The following ZMAT4 variants were observed in gnomAD, a reference collection of about 807,000 sequenced individuals.
The protein encoded by ZMAT4 is zinc finger matrin-type 4.
A neutral mutation model predicts 28.7 loss-of-function variants in ZMAT4; 17 were observed. That is an observed-to-expected ratio of 0.59 (90% confidence interval 0.41 to 0.89). The LOEUF is 0.89. Among genes scored for constraint, ZMAT4 ranks in the 40% least tolerant of loss-of-function variants. The probability of loss-of-function intolerance (pLI) is 0.00; values close to 1 mark genes in which losing one functional copy is unlikely to be tolerated. For synonymous variants in ZMAT4, 117 were observed against 109.2 expected, an observed-to-expected ratio of 1.07 and a Z score of -0.44; for missense variants, 240 against 283.8, an observed-to-expected ratio of 0.85 and a Z score of 1.11.
rs1585895713 is a variant in ZMAT4 at position 40,697,501 on chromosome 8, T to C, written c.193-100A>G. 12 of 1,219,082 alleles carry C rather than the reference T, an allele frequency of 9.8e-6. No individual in the cohort carries two copies. In the East Asian group the frequency reaches 3.5e-4, roughly 36 times the overall value. 75.5% of individuals were successfully genotyped at this position (1,219,082 alleles called of 1,614,324 possible). A position where few individuals can be genotyped will look rare whatever the true frequency, so the allele number is the denominator to read the frequency against. ...GAACTAGTGTATTGAAATATCTAGT[T>C]TTTGTTCTGCAAGCTGTCTCTCTCT... On this transcript the variant is annotated intron_variant, in intron 3 of 6. Coordinates refer to ENST00000297737, the MANE Select transcript of ZMAT4 (RefSeq NM_024645.3).
chr8:40,655,950 G>C (rs1185541429), intron 5 of ZMAT4, among the ~76,000 whole-genome samples: 1 of 152,002 alleles, frequency 6.6e-6, no homozygotes, highest in East Asian at 1.9e-4. Context: ...AAAATATATA[G>C]AAATGGAACT....
chr8:40,612,620 T>A (rs1805840163), intron 5 of ZMAT4, among the ~76,000 whole-genome samples: 1 of 137,082 alleles, frequency 7.3e-6, no homozygotes, highest in Non-Finnish European at 1.7e-5. Flanking sequence ...TCCTGCTAAG[T>A]TCCAGACTCA....
At chr8:40,773,497 T>C (rs1403678775) in intron 2 of ZMAT4, among the ~76,000 whole-genome samples, 9 of 119,610 alleles carry the variant, frequency 7.5e-5, no homozygotes, top group Non-Finnish European at 1.7e-4. Flanking sequence ...TGCCAAAGAT[T>C]GGTGGCATCT....
intron 3 of ZMAT4, among the ~76,000 whole-genome samples, chr8:40,748,256 C>T (rs1203137223): frequency 6.6e-6 from 1 of 152,314 alleles, no homozygotes; most frequent in Non-Finnish European, 1.5e-5. Flanking sequence ...AACTATTTTG[C>T]TATACGGAGT....
chr8:40,701,227 T>C (rs1810130736), intron 3 of ZMAT4, among the ~76,000 whole-genome samples: 1 of 152,192 alleles, frequency 6.6e-6, no homozygotes, highest in Non-Finnish European at 1.5e-5. Context: ...CATTATCATA[T>C]AGAAAAATTA....
chr8:40,560,976 A>T (rs1395438959), intron 6 of ZMAT4, among the ~76,000 whole-genome samples: 1 of 152,064 alleles, frequency 6.6e-6, no homozygotes, highest in African/African-American at 2.4e-5. Context: ...GTCCCCAAAA[A>T]ACCCTTTTAC....
chr8:40,838,146 C>G (rs760056453), intron 1 of ZMAT4, among the ~76,000 whole-genome samples: 3 of 152,222 alleles, frequency 2.0e-5, no homozygotes, highest in Non-Finnish European at 4.4e-5. Context: ...TCTCATCACT[C>G]CACCGCTTAA....
chr8:40,708,147 C>A (rs1415146852), intron 3 of ZMAT4, among the ~76,000 whole-genome samples: 2 of 152,300 alleles, frequency 1.3e-5, no homozygotes, highest in South Asian at 4.1e-4. Context: ...ATGCTATCAG[C>A]ATCTGTGCAG....
chr8:40,560,532 T>C (rs1803702610), intron 6 of ZMAT4, among the ~76,000 whole-genome samples: 1 of 151,906 alleles, frequency 6.6e-6, no homozygotes. Context: ...ACATTTACTG[T>C]GAAAGTTTTG....
chr8:40,618,522 A>C (rs572147078), intron 5 of ZMAT4, among the ~76,000 whole-genome samples: 1 of 152,220 alleles, frequency 6.6e-6, no homozygotes, highest in South Asian at 2.1e-4. Flanking sequence ...TTGACAGAAA[A>C]TCAGGTAGTA....
intron 3 of ZMAT4, among the ~76,000 whole-genome samples, chr8:40,738,150 T>C (rs1156285064): frequency 1.3e-5 from 2 of 152,162 alleles, no homozygotes; most frequent in Non-Finnish European, 2.9e-5. Flanking sequence ...ACTAGAAGTT[T>C]ATATATTGCA....
intron 5 of ZMAT4, among the ~76,000 whole-genome samples, chr8:40,627,375 A>AC (rs1806414813): frequency 6.6e-6 from 1 of 152,062 alleles, no homozygotes; most frequent in African/African-American, 2.4e-5. Flanking sequence ...CACACACACA[A>AC]ACAGACACAT....
chr8:40,692,346 A>G (rs767938485), intron 4 of ZMAT4, among the ~76,000 whole-genome samples: 3 of 152,244 alleles, frequency 2.0e-5, no homozygotes, highest in Non-Finnish European at 2.9e-5. Flanking sequence ...TCTGGGAATT[A>G]TATGAAAGAT....
At chr8:40,714,844 A>G (rs1187499570) in intron 3 of ZMAT4, among the ~76,000 whole-genome samples, 1 of 152,008 alleles carries the variant, frequency 6.6e-6, no homozygotes, top group Non-Finnish European at 1.5e-5. Flanking sequence ...AGGTCAGGAT[A>G]TTGAGACCAT....
At chr8:40,620,601 T>C (rs1305612945) in intron 5 of ZMAT4, among the ~76,000 whole-genome samples, 2 of 152,238 alleles carry the variant, frequency 1.3e-5, no homozygotes, top group Non-Finnish European at 2.9e-5. Context: ...ATTCGTCATA[T>C]GTTATTATGA....
chr8:40,662,181 A>G (rs1025568277), intron 5 of ZMAT4, among the ~76,000 whole-genome samples: 1 of 151,742 alleles, frequency 6.6e-6, no homozygotes, highest in Non-Finnish European at 1.5e-5. Flanking sequence ...GGGCTTTACT[A>G]TGTTGCCCAG....
chr8:40,678,290 T>C lies in ZMAT4; in HGVS notation c.350-3359A>G, dbSNP rs373981830. Reference sequence around the variant, plus strand: ...TTGCCTTTTTAAAACCCCAATTAATTTTCCCATTTCACCATAACATAAAAG... The same window carrying C: ...TTGCCTTTTTAAAACCCCAATTAATCTTCCCATTTCACCATAACATAAAAG... On this transcript the variant is annotated intron_variant, in intron 4 of 6. Transcript: ENST00000297737. 7.8e-4 allele frequency among the ~76,000 whole-genome samples: 119 copies of C among 152,308 alleles called. 2 individuals are homozygous for C. The South Asian group carries it at 0.024, about 31-fold the overall frequency.
chr8:40,549,303 C>T (rs1211959323), intron 6 of ZMAT4, among the ~76,000 whole-genome samples: 2 of 152,200 alleles, frequency 1.3e-5, no homozygotes, highest in South Asian at 4.2e-4. Flanking sequence ...GACTAAGACA[C>T]CCTCCCTTTA....
At chr8:40,747,668 C>A (rs1812295940) in intron 3 of ZMAT4, among the ~76,000 whole-genome samples, 1 of 152,054 alleles carries the variant, frequency 6.6e-6, no homozygotes, top group African/African-American at 2.4e-5. Flanking sequence ...CACTGAAGAT[C>A]CCTAATTCTT....
Sources: gnomAD v4.1 joint callset for allele counts (sites outside exome capture counted in the v4.1 genomes callset) on GRCh38, gnomAD v4.1.1 for gene constraint, MANE v1.5 for transcripts, NCBI Gene and HGNC (gene_info 2026-07-23, HGNC 2026-07-21) for gene names.